GXYLT1: variants seen among roughly 807,000 people sequenced by gnomAD.
GXYLT1 encodes glycosyltransferase 8 domain containing 3.
Under a neutral mutation model 54.0 loss-of-function variants are expected in GXYLT1, and 29 were observed. The ratio of observed to expected loss-of-function variants is 0.54; its 90% CI spans 0.40 to 0.73. The LOEUF (loss-of-function observed/expected upper bound fraction) is 0.73, where lower values mean the gene tolerates loss of function less well. GXYLT1 is among the 30% of genes least tolerant of loss of function. The pLI, the probability that GXYLT1 is intolerant of heterozygous loss-of-function variation, is 0.00. For missense variants in GXYLT1, 490 were observed against 553.4 expected (o/e 0.89, Z 1.15); for synonymous variants, 176 against 204.1 (o/e 0.86, Z 1.17).
Position 42,086,447 on chromosome 12 carries a change from ATGAT to A in GXYLT1, c.*1335_*1338del, listed in dbSNP as rs1395615960. The A allele has an allele frequency of 1.3e-5, 2 of 152,240 alleles. No homozygotes were observed. Among genetic ancestry groups the A allele is most frequent in the Non-Finnish European group, 2.9e-5 (2 of 68,040 alleles). 9.4% of individuals were successfully genotyped at this position (152,240 alleles called of 1,614,324 possible). A position where few individuals can be genotyped will look rare whatever the true frequency, so the allele number is the denominator to read the frequency against. ...TTTTCACAGGTTGTATTTTTCCTTC[ATGAT>A]TTTCCATTTTCTACTTGAGCATTAA... On this transcript the variant is annotated 3_prime_UTR_variant, in exon 8 of 8. Coordinates refer to ENST00000398675, the MANE Select transcript of GXYLT1 (RefSeq NM_173601.2).
chr12:42,123,829 T>C (rs939013417), intron 2 of GXYLT1, among the ~76,000 whole-genome samples: 4 of 152,090 alleles, frequency 2.6e-5, no homozygotes, highest in East Asian at 1.9e-4. Flanking sequence ...CTTTAAAAAC[T>C]TGCAGTTGAA....
At chr12:42,141,043 A>G (rs1222017405) in intron 1 of GXYLT1, among the ~76,000 whole-genome samples, 4 of 152,188 alleles carry the variant, frequency 2.6e-5, no homozygotes, top group Admixed American at 1.3e-4. Context: ...CCTATCCAGC[A>G]TTCCTTCTCC....
intron 3 of GXYLT1, among the ~76,000 whole-genome samples, chr12:42,117,046 CAT>C (rs2065500201): frequency 6.9e-6 from 1 of 145,338 alleles, no homozygotes; most frequent in Admixed American, 7.1e-5. Flanking sequence ...CCAAACACCA[CAT>C]GTTCTCACTC....
intron 7 of GXYLT1, among the ~76,000 whole-genome samples, chr12:42,094,351 C>CAAA (rs11406709): frequency 1.9e-4 from 14 of 74,646 alleles, no homozygotes; most frequent in East Asian, 1.3e-3. Context: ...AACCCTGCCT[C>CAAA]AAAAAAAAAA....
Position 42,109,701 on chromosome 12 carries a change from T to G in GXYLT1, c.487-10A>C, listed in dbSNP as rs1336313455. 1.6e-6 allele frequency: 2 copies of G among 1,242,922 alleles called. No individual in the cohort carries two copies. Among genetic ancestry groups the G allele is most frequent in the Non-Finnish European group, 2.2e-6 (2 of 911,012 alleles). 77.0% of individuals were successfully genotyped at this position (1,242,922 alleles called of 1,614,324 possible). On this transcript the variant is annotated splice_polypyrimidine_tract_variant and intron_variant, in intron 3 of 7. Coordinates refer to ENST00000398675, the MANE Select transcript of GXYLT1 (RefSeq NM_173601.2). Reference sequence around the variant, plus strand: ...ATGACCAGTTGTCAAGCTAAAACAATTTAAAAAAAAACTGTTTAGTTTCAC... The same window carrying G: ...ATGACCAGTTGTCAAGCTAAAACAAGTTAAAAAAAAACTGTTTAGTTTCAC...
In GXYLT1 at chr12:42,127,358, T is replaced by TA. The variant is rs72516201; in HGVS notation, c.314+2400_314+2401insT. 1.9e-4 allele frequency among the ~76,000 whole-genome samples: 21 copies of TA among 109,674 alleles called. 1 individual carries two copies. The highest frequency in any genetic ancestry group is 5.6e-4 in the Admixed American group (6 of 10,712). 72.0% of individuals were successfully genotyped at this position (109,674 alleles called of 152,430 possible). On this transcript the variant is annotated intron_variant, in intron 2 of 7. Transcript: ENST00000398675. ...ATATGACACAAAATGTTTGCTTTTT[T>TA]TAAATGTAATAGCATGATATAATGG...
chr12:42,089,592 T>G (rs1472037577), intron 7 of GXYLT1, among the ~76,000 whole-genome samples: 6 of 152,098 alleles, frequency 3.9e-5, no homozygotes, highest in Non-Finnish European at 8.8e-5. Flanking sequence ...GGAGAGAGGA[T>G]TTTCTCAGTT....
chr12:42,096,840 A>G (rs532508548), intron 7 of GXYLT1, among the ~76,000 whole-genome samples: 1 of 152,260 alleles, frequency 6.6e-6, no homozygotes, highest in South Asian at 2.1e-4. Context: ...ATCACCAGTG[A>G]GGGGCAGACA....
chr12:42,084,807 A>G lies in GXYLT1; in HGVS notation c.*2979T>C, dbSNP rs948499632. 1 of 152,300 alleles carries G rather than the reference A, an allele frequency of 6.6e-6. No homozygotes were observed. Among genetic ancestry groups the G allele is most frequent in the African/African-American group, 2.4e-5 (1 of 41,486 alleles). The allele number at this position is 152,300 out of a possible 1,614,324, so 9.4% of individuals were successfully genotyped here. ...TTAGAAAAAAGTATGCATTTTCTTA[A>G]AGCATAAATCACAATATATATTTTT... On this transcript the variant is annotated 3_prime_UTR_variant, in exon 8 of 8. Transcript: ENST00000398675.
At chr12:42,137,503 CAAAAAAAAA>C (rs34628599) in intron 1 of GXYLT1, among the ~76,000 whole-genome samples, 35 of 71,672 alleles carry the variant, frequency 4.9e-4, no homozygotes, top group African/African-American at 1.2e-3. Context: ...GCATCTGTTT[CAAAAAAAAA>C]AAAAAAAAAA....
intron 1 of GXYLT1, among the ~76,000 whole-genome samples, chr12:42,131,220 AT>A (rs1238940882): frequency 2.0e-5 from 3 of 152,244 alleles, no homozygotes; most frequent in African/African-American, 7.2e-5. Flanking sequence ...GTACTAAAGT[AT>A]GTATGAAGTC....
chr12:42,108,758 TA>T (rs757830253), intron 4 of GXYLT1, among the ~76,000 whole-genome samples: 9 of 152,190 alleles, frequency 5.9e-5, no homozygotes, highest in Non-Finnish European at 1.0e-4. Flanking sequence ...GGAATTCCCT[TA>T]ATCCACTTAG....
chr12:42,106,167 T>C (rs2065420120), intron 4 of GXYLT1, 98 bp from the exon 5 acceptor site: 1 of 738,004 alleles, frequency 1.4e-6, no homozygotes, highest in Non-Finnish European at 2.2e-6. Flanking sequence ...AGAGATTAGC[T>C]AATTTATATT....
chr12:42,131,338 T>C (rs757365759), intron 1 of GXYLT1, among the ~76,000 whole-genome samples: 9 of 152,206 alleles, frequency 5.9e-5, no homozygotes, highest in Non-Finnish European at 1.2e-4. Context: ...TCAAATGGTC[T>C]ATGAAATTTC....
intron 5 of GXYLT1, among the ~76,000 whole-genome samples, chr12:42,100,195 G>A (rs1036108950): frequency 6.6e-6 from 1 of 152,074 alleles, no homozygotes; most frequent in African/African-American, 2.4e-5. Flanking sequence ...TATGTGACTC[G>A]GGGACTATCC....
rs750735967 is a variant in GXYLT1, at chr12:42,109,647, G to A, written c.531C>T (p.Tyr177=). The A allele has an allele frequency of 6.4e-7, 1 of 1,569,514 alleles. No individual in the cohort carries two copies. The highest frequency in any genetic ancestry group is 2.3e-5 in the East Asian group (1 of 43,658). ...SFLQTFNYTL[Y]PITFPSENAA... ...CATTCTCACTTGGAAAGGTTATGGG[G>A]TATAACGTATAATTAAATGTTTGTA... Residue 177 remains tyrosine (Y), a synonymous_variant, in exon 4 of 8, where the codon TAC becomes TAT. Transcript: ENST00000398675.
intron 2 of GXYLT1, among the ~76,000 whole-genome samples, chr12:42,119,616 T>C (rs2065518560): frequency 6.6e-6 from 1 of 152,050 alleles, no homozygotes; most frequent in Non-Finnish European, 1.5e-5. Flanking sequence ...AAGACCAGCC[T>C]AGGCAACATA....
chr12:42,133,531 G>A (rs1399338386), intron 1 of GXYLT1, among the ~76,000 whole-genome samples: 1 of 152,062 alleles, frequency 6.6e-6, no homozygotes, highest in Admixed American at 6.6e-5. Flanking sequence ...TGAGCTCCTA[G>A]TCAAAAGCCA....
At chr12:42,139,558 G>A (rs954844765) in intron 1 of GXYLT1, among the ~76,000 whole-genome samples, 7 of 152,124 alleles carry the variant, frequency 4.6e-5, no homozygotes, top group Non-Finnish European at 1.0e-4. Flanking sequence ...CAGGAAATGG[G>A]TCCTCATCAG....
Sources: gnomAD v4.1 joint callset for allele counts (sites outside exome capture counted in the v4.1 genomes callset) on GRCh38, gnomAD v4.1.1 for gene constraint, MANE v1.5 for transcripts, NCBI Gene and HGNC (gene_info 2026-07-23, HGNC 2026-07-21) for gene names.